AGBL1: variants seen among roughly 807,000 people sequenced by gnomAD.
AGBL1 encodes the protein cytosolic carboxypeptidase 4.
In AGBL1, 130 loss-of-function variants were observed where a neutral mutation model predicts 118.9. The ratio of observed to expected loss-of-function variants is 1.09; its 90% confidence interval spans 0.95 to 1.26. The LOEUF (loss-of-function observed/expected upper bound fraction) is 1.26. Ranked by LOEUF, AGBL1 falls within the 50% of genes most tolerant of loss-of-function variation. AGBL1 has a pLI of 0.00. For missense variants in AGBL1, 1,584 were observed against 1,298.1 expected (o/e 1.22, Z -3.38); for synonymous variants, 555 against 478.9 (o/e 1.16, Z -2.08).
At chr15:86,098,558 G>C (rs1896522855) in intron 1 of AGBL1, among the ~76,000 whole-genome samples, 1 of 152,016 alleles carries the variant, frequency 6.6e-6, no homozygotes, top group Admixed American at 6.6e-5. Flanking sequence ...ACCACCATTT[G>C]TTGAAAAGGA....
intron 16 of AGBL1, 150 bp downstream of exon 16, chr15:86,279,933 G>T: frequency 9.5e-7 from 1 of 1,049,290 alleles, no homozygotes; most frequent in Non-Finnish European, 1.4e-6. Context: ...AGGTTTTGTT[G>T]TTACTGACTT....
chr15:86,121,843 A>G (rs1898112069), intron 1 of AGBL1, among the ~76,000 whole-genome samples: 1 of 152,222 alleles, frequency 6.6e-6, no homozygotes, highest in Non-Finnish European at 1.5e-5. Context: ...ACAGTGTGGT[A>G]TAGTTCAGTG....
intron 21 of AGBL1, among the ~76,000 whole-genome samples, chr15:86,606,126 C>CTAAAAAAAAAA (rs2084573418): frequency 1.0e-5 from 1 of 96,892 alleles, no homozygotes; most frequent in African/African-American, 4.3e-5. Context: ...GACTCCATCT[C>CTAAAAAAAAAA]AAAAAAAAAA....
chr15:86,590,855 A>T (rs1171679953), intron 21 of AGBL1, among the ~76,000 whole-genome samples: 2 of 152,218 alleles, frequency 1.3e-5, no homozygotes, highest in Non-Finnish European at 2.9e-5. Context: ...ATGTCAAAGA[A>T]ATATATTCTG....
At chr15:86,560,151 T>TC (rs1022927922) in intron 21 of AGBL1, among the ~76,000 whole-genome samples, 21 of 152,110 alleles carry the variant, frequency 1.4e-4, no homozygotes, top group Middle Eastern at 3.2e-3. Context: ...GTACTTTTTT[T>TC]TTTATATACT....
intron 21 of AGBL1, among the ~76,000 whole-genome samples, chr15:86,621,937 G>A (rs777375016): frequency 8.5e-5 from 13 of 152,114 alleles, no homozygotes; most frequent in Non-Finnish European, 1.5e-4. Context: ...TACAGAGTAG[G>A]ACATTTTTAG....
chr15:86,322,716 G>C (rs1411515090), intron 17 of AGBL1, among the ~76,000 whole-genome samples: 1 of 152,112 alleles, frequency 6.6e-6, no homozygotes, highest in Admixed American at 6.5e-5. Context: ...CCAGCAGCAT[G>C]CTCAACACAA....
In AGBL1 at chr15:86,264,748, A is replaced by G; in HGVS notation, c.1577A>G (p.Asp526Gly). Residue 526 changes from aspartate (D) to glycine (G), a missense_variant, in exon 11 of 23, where the codon GAC becomes GGC. Physicochemically the swap from Asp to Gly is moderately conservative, Grantham distance 94. Coordinates refer to ENST00000614907, the MANE Select transcript of AGBL1 (RefSeq NM_001386094.1). ...GCCAGAAGAACCAGCTCTGTGGTGG[A>G]CTTCAAGATGATGGCATTTCCTGAT... ...AKARRTSSVV[D>G]FKMMAFPDVW... 1 of 1,614,024 alleles carries G rather than the reference A, an allele frequency of 6.2e-7. No individual in the cohort carries two copies. Among genetic ancestry groups the G allele is most frequent in the Non-Finnish European group, 8.5e-7 (1 of 1,179,900 alleles).
chr15:86,137,606 T>G (rs910023877), intron 1 of AGBL1, among the ~76,000 whole-genome samples: 14 of 152,188 alleles, frequency 9.2e-5, no homozygotes, highest in Non-Finnish European at 2.1e-4. Context: ...TTAAATTTTT[T>G]TTTTAACTTC....
At chr15:86,373,505 A>T (rs1170219145) in intron 17 of AGBL1, among the ~76,000 whole-genome samples, 1 of 152,180 alleles carries the variant, frequency 6.6e-6, no homozygotes, top group African/African-American at 2.4e-5. Context: ...TGTGTCAGAG[A>T]TGAAATCTAA....
At position 86,877,288 on chromosome 15, in the gene AGBL1, G is replaced by C. The variant is rs2079824553; in HGVS notation, c.3159-29799G>C. Among the ~76,000 whole-genome samples, 3 of 152,296 alleles carry C rather than the reference G, an allele frequency of 2.0e-5. No homozygotes were observed. The South Asian group carries it at 6.2e-4, about 32-fold the overall frequency. On this transcript the variant is annotated intron_variant, in intron 22 of 22. Coordinates refer to ENST00000614907, the MANE Select transcript of AGBL1 (RefSeq NM_001386094.1). ...CATAGTACCCCAACCTGGATGGAAA[G>C]AGTATGACAGGTGCCCAGCCCTGCC...
At chr15:86,673,090 T>C (rs1159091103) in intron 21 of AGBL1, among the ~76,000 whole-genome samples, 1 of 152,194 alleles carries the variant, frequency 6.6e-6, no homozygotes, top group Admixed American at 6.5e-5. Context: ...AAAAAATGAT[T>C]CATTATTATT....
rs541621080 is a variant in AGBL1 at position 86,361,874 on chromosome 15, G to T, written c.2375-35492G>T. ...AGTTTCTTATAGGCAGCATATTGTT[G>T]CATCTTTTTAAAAAAATTCATTCAG... On this transcript the variant is annotated intron_variant, in intron 17 of 22. Coordinates refer to ENST00000614907, the MANE Select transcript of AGBL1 (RefSeq NM_001386094.1). Among the ~76,000 whole-genome samples the T allele has an allele frequency of 2.0e-5, 3 of 152,100 alleles. No homozygotes were observed. In the South Asian group the frequency reaches 6.2e-4, roughly 32 times the overall value.
intron 15 of AGBL1, among the ~76,000 whole-genome samples, chr15:86,274,738 G>C (rs1040587933): frequency 6.6e-6 from 1 of 152,136 alleles, no homozygotes; most frequent in African/African-American, 2.4e-5. Flanking sequence ...CCATCATCTA[G>C]TTTGTTTTAT....
intron 22 of AGBL1, among the ~76,000 whole-genome samples, chr15:86,897,885 T>A (rs1198466021): frequency 7.0e-6 from 1 of 141,982 alleles, no homozygotes; most frequent in Non-Finnish European, 1.5e-5. Context: ...TCCTCCCACC[T>A]CAGCCTCCTG....
rs560999339 is a variant in AGBL1 at position 86,843,226 on chromosome 15, T to C, written c.3159-63861T>C. Among the ~76,000 whole-genome samples, 24 of 152,294 alleles carry C rather than the reference T, an allele frequency of 1.6e-4. 1 individual carries two copies. In the Middle Eastern group the frequency reaches 0.01, roughly 65 times the overall value. ...CAAGGATCTTCAAAGGATGAGCACA[T>C]TGGATCAGCAAGACTTCACTCAGCT... On this transcript the variant is annotated intron_variant, in intron 22 of 22. Coordinates refer to ENST00000614907, the MANE Select transcript of AGBL1 (RefSeq NM_001386094.1).
At chr15:86,504,961 A>C (rs991878993) in intron 18 of AGBL1, among the ~76,000 whole-genome samples, 1 of 151,720 alleles carries the variant, frequency 6.6e-6, no homozygotes, top group Admixed American at 6.6e-5. Context: ...CATAGCAATA[A>C]ATTCTCTTAT....
intron 22 of AGBL1, among the ~76,000 whole-genome samples, chr15:86,677,771 C>T (rs2085875548): frequency 6.6e-6 from 1 of 151,902 alleles, no homozygotes; most frequent in African/African-American, 2.4e-5. Context: ...TGACGGACAA[C>T]ACTAAAAGAA....
At chr15:86,727,614 G>A (rs1465100094) in intron 22 of AGBL1, among the ~76,000 whole-genome samples, 3 of 152,164 alleles carry the variant, frequency 2.0e-5, no homozygotes, top group Non-Finnish European at 4.4e-5. Flanking sequence ...TGTAAAGAAA[G>A]AGCATCAGAA....
Sources: gnomAD v4.1 joint callset for allele counts (sites outside exome capture counted in the v4.1 genomes callset) on GRCh38, gnomAD v4.1.1 for gene constraint, MANE v1.5 for transcripts, NCBI Gene and HGNC (gene_info 2026-07-23, HGNC 2026-07-21) for gene names.